SASH1: variants seen among roughly 807,000 people sequenced by gnomAD.
The protein encoded by SASH1 is SAM and SH3 domain-containing protein 1.
Under a neutral mutation model 125.2 loss-of-function variants are expected in SASH1, and 44 were observed. That is an observed-to-expected ratio of 0.35 (90% CI 0.28 to 0.45). SASH1 has a LOEUF of 0.45. SASH1 is among the 20% of genes least tolerant of loss of function. The pLI, the probability that SASH1 is intolerant of heterozygous loss-of-function variation, is 1.00. For synonymous variants in SASH1, 639 were observed against 649.1 expected, an observed-to-expected ratio of 0.98 and a Z score of 0.24; for missense variants, 1,426 against 1,614.5, an observed-to-expected ratio of 0.88 and a Z score of 2.00.
chr6:148,332,460 G>A (rs189537546), intron 1 of SASH1, among the ~76,000 whole-genome samples: 67 of 152,044 alleles, frequency 4.4e-4, no homozygotes, highest in Admixed American at 1.7e-3. Flanking sequence ...TGTTGTTGTC[G>A]TCTGTAACAA....
chr6:148,444,187 G>A (rs1013301045), intron 4 of SASH1, among the ~76,000 whole-genome samples: 7 of 152,226 alleles, frequency 4.6e-5, no homozygotes, highest in Non-Finnish European at 7.3e-5. Context: ...CTGTGTGCAC[G>A]CCTCTGTCCT....
At chr6:148,361,325 C>T (rs190670423) in intron 1 of SASH1, among the ~76,000 whole-genome samples, 104 of 152,240 alleles carry the variant, frequency 6.8e-4, no homozygotes, top group African/African-American at 1.9e-3. Context: ...AGGCCAGACG[C>T]GGTGGCTCAT....
At chr6:148,440,258 C>T in intron 3 of SASH1, 24 bp downstream of exon 3, 1 of 1,613,494 alleles carries the variant, frequency 6.2e-7, no homozygotes, top group Non-Finnish European at 8.5e-7. Flanking sequence ...CTTTAATCAT[C>T]TAGTTTTGCT....
chr6:148,390,109 C>T (rs374827312), intron 1 of SASH1, 25 bp from the exon 2 acceptor site: 354 of 1,610,758 alleles, frequency 2.2e-4, no homozygotes, highest in Non-Finnish European at 2.8e-4. Flanking sequence ...CTGACCTGAC[C>T]GCCTTTGTTT....
chr6:148,351,202 T>G (rs1011405465), intron 1 of SASH1, among the ~76,000 whole-genome samples: 8 of 151,216 alleles, frequency 5.3e-5, no homozygotes, highest in South Asian at 4.2e-4. Flanking sequence ...TTTTTTTTTT[T>G]TTTTTTTTTT....
rs41288421 is a variant in SASH1 at position 148,550,716 on chromosome 6, A to C, written c.*2158A>C. The stretch of plus-strand genomic sequence containing the variant: ...CTTGTATAGCTAAAGCGTTCAATGC[A>C]TTTCACGTGCTGTGGTGGATGTGGG... On this transcript the variant is annotated 3_prime_UTR_variant, in exon 20 of 20. Coordinates refer to ENST00000367467, the MANE Select transcript of SASH1 (RefSeq NM_015278.5). 1.3e-5 allele frequency: 2 copies of C among 152,268 alleles called. No individual in the cohort carries two copies. The highest frequency in any genetic ancestry group is 4.8e-5 in the African/African-American group (2 of 41,442). 9.4% of individuals were successfully genotyped at this position (152,268 alleles called of 1,614,324 possible). A position where few individuals can be genotyped will look rare whatever the true frequency, so the allele number is the denominator to read the frequency against.
chr6:148,433,487 A>G (rs1583151826), intron 2 of SASH1, among the ~76,000 whole-genome samples: 1 of 149,374 alleles, frequency 6.7e-6, no homozygotes, highest in Non-Finnish European at 1.5e-5. Flanking sequence ...GCTCACTGCA[A>G]CCCCTGCCTC....
intron 1 of SASH1, among the ~76,000 whole-genome samples, chr6:148,331,490 C>T (rs567415655): frequency 1.3e-5 from 2 of 152,044 alleles, no homozygotes; most frequent in Admixed American, 6.6e-5. Flanking sequence ...CTACCATGCC[C>T]CGCTAAGTTT....
rs1554254949 is a variant in SASH1, at chr6:148,421,146, G to GAAGGAAGGAAGGAAGGAAGGAAGAAAAGA, written c.286-19035_286-19034insGAAGGAAGGAAGGAAGGAAGAAAAGAAAG. Among the ~76,000 whole-genome samples, 179 of 71,244 alleles carry GAAGGAAGGAAGGAAGGAAGGAAGAAAAGA rather than the reference G, an allele frequency of 2.5e-3. 6 individuals carry two copies. The highest frequency in any genetic ancestry group is 7.4e-3 in the South Asian group (18 of 2,424). The allele number at this position is 71,244 out of a possible 152,430, so 46.7% of individuals were successfully genotyped here. A position where few individuals can be genotyped will look rare whatever the true frequency, so the allele number is the denominator to read the frequency against. ...GGAAGAAAGGAAGGAAGGAAGGAAG[G>GAAGGAAGGAAGGAAGGAAGGAAGAAAAGA]AAGAAAGAAAGAAAGAAAGAAAGAA... On this transcript the variant is annotated intron_variant, in intron 2 of 19. Coordinates refer to ENST00000367467, the MANE Select transcript of SASH1 (RefSeq NM_015278.5).
At chr6:148,537,089 A>T (rs1781891103) in intron 16 of SASH1, among the ~76,000 whole-genome samples, 1 of 152,242 alleles carries the variant, frequency 6.6e-6, no homozygotes, top group African/African-American at 2.4e-5. Context: ...GCTAAGAAGT[A>T]GTGCCTCTAA....
At chr6:148,376,031 A>G (rs1562362282) in intron 1 of SASH1, among the ~76,000 whole-genome samples, 2 of 151,968 alleles carry the variant, frequency 1.3e-5, no homozygotes. Context: ...ATTGCATGGC[A>G]TTTTTCCAGA....
chr6:148,314,222 A>T (rs566371395), intron 1 of SASH1, among the ~76,000 whole-genome samples: 2 of 152,322 alleles, frequency 1.3e-5, no homozygotes, highest in South Asian at 4.1e-4. Flanking sequence ...TGGTGAGTGG[A>T]TGCAGCCCCA....
intron 8 of SASH1, among the ~76,000 whole-genome samples, chr6:148,492,593 G>A (rs1340770990): frequency 3.3e-5 from 5 of 151,960 alleles, no homozygotes; most frequent in East Asian, 1.9e-4. Context: ...TGAGGCAGGC[G>A]GATTACCTGA....
intron 4 of SASH1, among the ~76,000 whole-genome samples, chr6:148,456,114 G>A (rs989575596): frequency 1.3e-5 from 2 of 152,160 alleles, no homozygotes; most frequent in Admixed American, 6.5e-5. Context: ...ACCTGCTTCC[G>A]GAGCCATTGC....
intron 1 of SASH1, among the ~76,000 whole-genome samples, chr6:148,332,325 G>C (rs1202395003): frequency 2.0e-5 from 3 of 152,180 alleles, no homozygotes; most frequent in African/African-American, 4.8e-5. Context: ...ATTGCTGACT[G>C]TAGGCAAAAA....
At chr6:148,356,970 C>T (rs1031082801) in intron 1 of SASH1, among the ~76,000 whole-genome samples, 6 of 152,054 alleles carry the variant, frequency 3.9e-5, no homozygotes, top group Non-Finnish European at 8.8e-5. Context: ...GTTTGTTGGC[C>T]GTTTGTATAT....
At chr6:148,236,891 A>G in the SASH1 span, among the ~76,000 whole-genome samples, 1 of 152,174 alleles carries the variant, frequency 6.6e-6, no homozygotes, top group Admixed American at 6.5e-5. Flanking sequence ...TTCCATCCTC[A>G]TGAATGGATT....
At chr6:148,294,344 G>GAC (rs1284210237) in intron 1 of SASH1, among the ~76,000 whole-genome samples, 3 of 152,346 alleles carry the variant, frequency 2.0e-5, no homozygotes, top group African/African-American at 7.2e-5. Flanking sequence ...ACAGACCTCA[G>GAC]GGTCAGAGTG....
intron 8 of SASH1, 49 bp downstream of exon 8, chr6:148,487,764 A>G: frequency 7.7e-7 from 1 of 1,293,920 alleles, no homozygotes. Context: ...CCGATAAGGG[A>G]CAGTCTTCAC....
Sources: allele counts gnomAD v4.1 joint callset (sites outside exome capture counted in the v4.1 genomes callset), GRCh38; gene constraint gnomAD v4.1.1; transcripts MANE v1.5; gene names NCBI Gene and HGNC (gene_info 2026-07-23, HGNC 2026-07-21).